The following SMAD9 variants were observed in gnomAD, a reference collection of about 807,000 sequenced individuals.
SMAD9 encodes the protein MAD homolog 9.
In SMAD9, 36 loss-of-function variants were observed where a neutral mutation model predicts 46.1. The observed-to-expected ratio is 0.78, with a 90% CI of 0.60 to 1.03. The LOEUF is 1.03. SMAD9 is among the 50% of genes least tolerant of loss of function. The pLI, the probability that SMAD9 is intolerant of heterozygous loss-of-function variation, is 0.00. For synonymous variants in SMAD9, 245 were observed against 237.1 expected, an observed-to-expected ratio of 1.03 and a Z score of -0.31; for missense variants, 572 against 599.8, an observed-to-expected ratio of 0.95 and a Z score of 0.48.
At chr13:36,856,118 C>T (rs2058121560) in intron 5 of SMAD9, among the ~76,000 whole-genome samples, 1 of 152,162 alleles carries the variant, frequency 6.6e-6, no homozygotes, top group South Asian at 2.1e-4. Flanking sequence ...AAGAGAACCC[C>T]AGGCCAGGGC....
In SMAD9 at chr13:36,859,967, A is replaced by C. The variant is rs181862689; in HGVS notation, c.1003+5570T>G. Among the ~76,000 whole-genome samples, 310 of 152,224 alleles carry C rather than the reference A, an allele frequency of 2.0e-3. 1 individual carries two copies. The highest frequency in any genetic ancestry group is 7.2e-3 in the African/African-American group (300 of 41,554). On this transcript the variant is annotated intron_variant, in intron 5 of 6. Coordinates refer to ENST00000379826, the MANE Select transcript of SMAD9 (RefSeq NM_001127217.3). ...AAGAGCGAAACTCCATCTCAAAAAA[A>C]AAAAGAAAAAAGAAAAAAAAGAAAT...
intron 5 of SMAD9, among the ~76,000 whole-genome samples, chr13:36,862,249 G>A (rs1377236419): frequency 2.0e-5 from 3 of 152,092 alleles, no homozygotes; most frequent in Non-Finnish European, 1.5e-5. Flanking sequence ...TTCCCAGGAT[G>A]CTAGGAATTC....
Position 36,920,101 on chromosome 13 carries a change from G to C in SMAD9, c.-187+15C>G, listed in dbSNP as rs2058732004. On this transcript the variant is annotated intron_variant, in intron 1 of 6. Transcript: ENST00000379826. ...GTGGTCCCCCGGCCGCCCGCTCCGA[G>C]CGCCGCGCACTCACTGCCTGGCTGC... The C allele has an allele frequency of 6.7e-6, 1 of 150,164 alleles. No individual in the cohort carries two copies. Among genetic ancestry groups the C allele is most frequent in the Non-Finnish European group, 1.5e-5 (1 of 67,052 alleles). The allele number at this position is 150,164 out of a possible 1,614,324, so 9.3% of individuals were successfully genotyped here.
chr13:36,858,946 A>G (rs1000955932), intron 5 of SMAD9, among the ~76,000 whole-genome samples: 3 of 152,148 alleles, frequency 2.0e-5, no homozygotes, highest in Non-Finnish European at 1.5e-5. Context: ...CCTACGCTCA[A>G]GCAATCCACC....
Position 36,848,439 on chromosome 13 carries a change from C to G in SMAD9, c.*237G>C. ...CAATATCGCCTCTCAAGTGTTTCCT[C>G]CCACAAAATCTGCTGCTTATAGCAC... On this transcript the variant is annotated 3_prime_UTR_variant, in exon 7 of 7. Coordinates refer to ENST00000379826, the MANE Select transcript of SMAD9 (RefSeq NM_001127217.3). The G allele has an allele frequency of 1.8e-6, 1 of 550,426 alleles. No individual in the cohort carries two copies. Among genetic ancestry groups the G allele is most frequent in the Non-Finnish European group, 3.2e-6 (1 of 307,706 alleles). The allele number at this position is 550,426 out of a possible 1,614,324, so 34.1% of individuals were successfully genotyped here.
chr13:36,866,504 T>C (rs1424229163), intron 4 of SMAD9, among the ~76,000 whole-genome samples: 1 of 152,206 alleles, frequency 6.6e-6, no homozygotes, highest in South Asian at 2.1e-4. Context: ...TTTCTAGTGA[T>C]TGTATTACCT....
At chr13:36,887,544 T>G (rs2058457479) in intron 1 of SMAD9, among the ~76,000 whole-genome samples, 1 of 151,994 alleles carries the variant, frequency 6.6e-6, no homozygotes, top group African/African-American at 2.4e-5. Context: ...TTTTAAGTGA[T>G]CGTCCTAGCT....
In SMAD9 at chr13:36,879,157, CTCTCT is replaced by C. The variant is rs2058375633; in HGVS notation, c.412+116_412+120del. ...TCCCTCAAAACTGAACCTCCCTCTC[CTCTCT>C]TCTCTCTCTCTCTTTTGGGAGAGGT... On this transcript the variant is annotated intron_variant, in intron 2 of 6. Transcript: ENST00000379826. 8 of 840,170 alleles carry C rather than the reference CTCTCT, an allele frequency of 9.5e-6. No homozygotes were observed. In the South Asian group the frequency reaches 1.0e-4, roughly 11 times the overall value. 52.0% of individuals were successfully genotyped at this position (840,170 alleles called of 1,614,324 possible). A position where few individuals can be genotyped will look rare whatever the true frequency, so the allele number is the denominator to read the frequency against.
intron 1 of SMAD9, 141 bp downstream of exon 1, chr13:36,919,975 C>A (rs1231712063): frequency 6.6e-6 from 1 of 151,492 alleles, no homozygotes; most frequent in Non-Finnish European, 1.5e-5. Flanking sequence ...CACGCACGCA[C>A]ACAAGCAGCG....
chr13:36,867,460 C>A, intron 3 of SMAD9, 77 bp from the exon 4 acceptor site: 3 of 924,492 alleles, frequency 3.2e-6, no homozygotes, highest in Non-Finnish European at 5.0e-6. Context: ...ACATCTTTTG[C>A]CATTAAACTC....
chr13:36,908,066 A>G (rs17054707), intron 1 of SMAD9, among the ~76,000 whole-genome samples: 4,232 of 152,312 alleles, frequency 0.028, 184 homozygotes, highest in African/African-American at 0.097. Context: ...CTTAGTGCCA[A>G]TTAATGTAAA....
At chr13:36,885,368 G>T (rs2058436387) in intron 1 of SMAD9, among the ~76,000 whole-genome samples, 1 of 151,304 alleles carries the variant, frequency 6.6e-6, no homozygotes, top group Admixed American at 6.6e-5. Flanking sequence ...AACTTGAGAA[G>T]AAACTGGGCT....
intron 1 of SMAD9, among the ~76,000 whole-genome samples, chr13:36,912,370 T>C (rs946354374): frequency 1.3e-5 from 2 of 152,098 alleles, no homozygotes; most frequent in Non-Finnish European, 2.9e-5. Context: ...AACAATGAAG[T>C]GGACACTACC....
chr13:36,913,654 T>C (rs2138707005), intron 1 of SMAD9, among the ~76,000 whole-genome samples: 1 of 152,314 alleles, frequency 6.6e-6, no homozygotes. Context: ...CAACACCTAA[T>C]GACTGCTTTG....
At position 36,848,356 on chromosome 13, in the gene SMAD9, A is replaced by G; in HGVS notation, c.*320T>C. On this transcript the variant is annotated 3_prime_UTR_variant, in exon 7 of 7. Coordinates refer to ENST00000379826, the MANE Select transcript of SMAD9 (RefSeq NM_001127217.3). Reference sequence around the variant, plus strand: ...GTGAGGCCACACAACATGCTTTATAATGACACGGCTGACTAAAGCTGTCTT... The same window carrying G: ...GTGAGGCCACACAACATGCTTTATAGTGACACGGCTGACTAAAGCTGTCTT... The G allele has an allele frequency of 2.9e-6, 1 of 347,854 alleles. No homozygotes were observed. The highest frequency in any genetic ancestry group is 5.4e-6 in the Non-Finnish European group (1 of 185,150). The allele number at this position is 347,854 out of a possible 1,614,324, so 21.5% of individuals were successfully genotyped here.
At chr13:36,915,891 G>A (rs538484663) in intron 1 of SMAD9, among the ~76,000 whole-genome samples, 2 of 151,366 alleles carry the variant, frequency 1.3e-5, no homozygotes, top group Admixed American at 6.6e-5. Flanking sequence ...CAATTAAAAC[G>A]GTACAACTGA....
At chr13:36,859,965 A>AAAAAAAG (rs918596785) in intron 5 of SMAD9, among the ~76,000 whole-genome samples, 2 of 152,092 alleles carry the variant, frequency 1.3e-5, no homozygotes, top group African/African-American at 4.8e-5. Context: ...CATCTCAAAA[A>AAAAAAAG]AAAAAAGAAA....
intron 1 of SMAD9, among the ~76,000 whole-genome samples, chr13:36,886,481 T>C (rs369088766): frequency 3.9e-5 from 6 of 152,280 alleles, no homozygotes; most frequent in South Asian, 4.1e-4. Context: ...AACAGAGAGG[T>C]TGGCTCTGTC....
intron 6 of SMAD9, among the ~76,000 whole-genome samples, chr13:36,849,094 A>C (rs2058054994): frequency 6.6e-6 from 1 of 152,218 alleles, no homozygotes; most frequent in Admixed American, 6.5e-5. Flanking sequence ...CACGGGAAGC[A>C]CTGAAAAATC....
Sources: allele counts gnomAD v4.1 joint callset (sites outside exome capture counted in the v4.1 genomes callset), GRCh38; gene constraint gnomAD v4.1.1; transcripts MANE v1.5; gene names NCBI Gene and HGNC (gene_info 2026-07-23, HGNC 2026-07-21).